Variants in IL34 observed in about 807,000 individuals in gnomAD.
The protein encoded by IL34 is interleukin-34.
In IL34, 17 loss-of-function variants were observed where a neutral mutation model predicts 25.3. The observed-to-expected ratio is 0.67, with a 90% CI of 0.46 to 1.01. The LOEUF (loss-of-function observed/expected upper bound fraction) is 1.01. Ranked by LOEUF, IL34 falls within the 50% of genes least tolerant of loss-of-function variation. The pLI is 0.00. For missense variants in IL34, 368 were observed against 312.9 expected (o/e 1.18, Z -1.33); for synonymous variants, 174 against 140.9 (o/e 1.23, Z -1.66).
chr16:70,614,128 G>A (rs1337177164), intron 1 of IL34, among the ~76,000 whole-genome samples: 1 of 150,324 alleles, frequency 6.7e-6, no homozygotes, highest in Non-Finnish European at 1.5e-5. Flanking sequence ...AGGCTGTTGT[G>A]AGCTGTGATC....
chr16:70,580,974 T>C (rs1728609203), intron 1 of IL34, among the ~76,000 whole-genome samples: 1 of 150,964 alleles, frequency 6.6e-6, no homozygotes, highest in African/African-American at 2.4e-5. Flanking sequence ...TGCAGTGGCG[T>C]CATCTCAGGT....
chr16:70,656,331 C>T (rs920881494), intron 2 of IL34, among the ~76,000 whole-genome samples: 7 of 152,082 alleles, frequency 4.6e-5, no homozygotes, highest in Admixed American at 1.3e-4. Flanking sequence ...CCAGCCTGGG[C>T]AACAAGAAGA....
At chr16:70,648,575 AGG>A (rs1489943836) in intron 1 of IL34, among the ~76,000 whole-genome samples, 3 of 142,996 alleles carry the variant, frequency 2.1e-5, no homozygotes, top group Admixed American at 6.9e-5. Flanking sequence ...AAAAAAAAAA[AGG>A]AGAAAAGAAA....
intron 1 of IL34, 113 bp downstream of exon 1, chr16:70,647,088 T>C (rs2051954022): frequency 6.2e-6 from 6 of 966,500 alleles, no homozygotes; most frequent in Non-Finnish European, 7.2e-6. Context: ...TTGCGATGCT[T>C]CCCAGCCGGA....
intron 1 of IL34, among the ~76,000 whole-genome samples, chr16:70,605,269 A>G (rs2050985812): frequency 6.6e-6 from 1 of 152,180 alleles, no homozygotes; most frequent in South Asian, 2.1e-4. Flanking sequence ...GAGGTTGAGA[A>G]GAGTCCAGGA....
chr16:70,615,275 G>A (rs557251379), intron 1 of IL34, among the ~76,000 whole-genome samples: 3 of 152,180 alleles, frequency 2.0e-5, no homozygotes, highest in Non-Finnish European at 4.4e-5. Context: ...TTGGGAGGCC[G>A]AGGTGGGTGG....
rs987685087 is a variant in IL34, at chr16:70,604,540, A to G, written c.-401+24491A>G. ...CCCACAGCCCATCCTCTGTCTGCCA[A>G]CACATTTGAAACAAAGATGCTCTGT... On this transcript the variant is annotated intron_variant, in intron 1 of 6. Transcript: ENST00000429149. Among the ~76,000 whole-genome samples, 8 of 152,344 alleles carry G rather than the reference A, an allele frequency of 5.3e-5. No homozygotes were observed. In the East Asian group the frequency reaches 1.4e-3, roughly 26 times the overall value.
chr16:70,635,040 T>A (rs1321653893), intron 1 of IL34, among the ~76,000 whole-genome samples: 1 of 152,206 alleles, frequency 6.6e-6, no homozygotes, highest in Non-Finnish European at 1.5e-5. Context: ...ATAGTATGAA[T>A]ACAGCAGCAA....
chr16:70,600,500 CCAAG>C (rs1322876693), intron 1 of IL34, among the ~76,000 whole-genome samples: 1 of 152,174 alleles, frequency 6.6e-6, no homozygotes, highest in African/African-American at 2.4e-5. Context: ...TCTGTAAGCC[CCAAG>C]CAAGACATGA....
intron 1 of IL34, among the ~76,000 whole-genome samples, chr16:70,650,014 G>T (rs1201019519): frequency 6.6e-6 from 1 of 152,166 alleles, no homozygotes; most frequent in African/African-American, 2.4e-5. Flanking sequence ...GGCCAGACTG[G>T]TCTTGAACTC....
chr16:70,646,940 A>AC lies in IL34; in HGVS notation c.-7dup, dbSNP rs1193863905. ...GCCTGAGCTCTCAGGGGGACGAGGA[A>AC]CACCACCATGCCCCGGGGCTTCACC... On this transcript the variant is annotated 5_prime_UTR_variant, in exon 1 of 6. Coordinates refer to ENST00000288098, the MANE Select transcript of IL34 (RefSeq NM_001393494.1). The AC allele has an allele frequency of 6.1e-6, 9 of 1,477,784 alleles. No individual in the cohort carries two copies. In the South Asian group the frequency reaches 1.2e-4, roughly 20 times the overall value. 91.5% of individuals were successfully genotyped at this position (1,477,784 alleles called of 1,614,324 possible). A position where few individuals can be genotyped will look rare whatever the true frequency, so the allele number is the denominator to read the frequency against.
chr16:70,589,975 C>T (rs976695681), intron 1 of IL34, among the ~76,000 whole-genome samples: 3 of 152,154 alleles, frequency 2.0e-5, no homozygotes, highest in South Asian at 2.1e-4. Context: ...TTACAGGGTT[C>T]GTGAGGACAG....
At chr16:70,635,685 G>T (rs16970408) in intron 1 of IL34, among the ~76,000 whole-genome samples, 2 of 152,142 alleles carry the variant, frequency 1.3e-5, no homozygotes, top group Admixed American at 1.3e-4. Context: ...TTTGCTCACA[G>T]ACCTCTATTG....
chr16:70,596,871 G>A (rs72792818), intron 1 of IL34, among the ~76,000 whole-genome samples: 9,521 of 152,194 alleles, frequency 0.063, 422 homozygotes, highest in South Asian at 0.13. Flanking sequence ...ACAGGCATGA[G>A]CCACCGCGAC....
upstream of IL34, among the ~76,000 whole-genome samples, chr16:70,645,961 G>C (rs183589943): frequency 5.3e-5 from 8 of 152,304 alleles, no homozygotes; most frequent in African/African-American, 1.2e-4. Context: ...GCTGAAGCAG[G>C]AGAATTGCTT....
At chr16:70,618,705 G>T (rs574566236) in intron 1 of IL34, among the ~76,000 whole-genome samples, 1 of 152,264 alleles carries the variant, frequency 6.6e-6, no homozygotes, top group East Asian at 1.9e-4. Context: ...TTGTTTTGTA[G>T]AAGGTGCTGG....
intron 1 of IL34, among the ~76,000 whole-genome samples, chr16:70,603,577 CTATT>C (rs2050952864): frequency 6.6e-6 from 1 of 152,054 alleles, no homozygotes; most frequent in Non-Finnish European, 1.5e-5. Flanking sequence ...CGTGCCCGGC[CTATT>C]TATTTTTTAG....
chr16:70,634,919 C>T (rs1277998018), intron 1 of IL34, among the ~76,000 whole-genome samples: 1 of 134,758 alleles, frequency 7.4e-6, no homozygotes, highest in Admixed American at 7.2e-5. Context: ...TCAGCAGTTC[C>T]TTTTAATTTC....
intron 1 of IL34, among the ~76,000 whole-genome samples, chr16:70,633,038 C>T (rs1029317669): frequency 4.6e-5 from 7 of 152,188 alleles, no homozygotes; most frequent in African/African-American, 1.4e-4. Context: ...AACCATGGCT[C>T]ACTGCAGCCT....
Sources: gnomAD v4.1 joint callset for allele counts (sites outside exome capture counted in the v4.1 genomes callset) on GRCh38, gnomAD v4.1.1 for gene constraint, MANE v1.5 for transcripts, NCBI Gene and HGNC (gene_info 2026-07-23, HGNC 2026-07-21) for gene names.